DOCK8: variants seen among roughly 807,000 people sequenced by gnomAD.
DOCK8 encodes the protein dedicator of cytokinesis protein 8.
In DOCK8, 141 loss-of-function variants were observed where a neutral mutation model predicts 245.6. That is an observed-to-expected ratio of 0.57 (90% CI 0.50 to 0.66). DOCK8 has a LOEUF of 0.66. Ranked by LOEUF, DOCK8 falls within the 30% of genes least tolerant of loss-of-function variation. DOCK8 has a pLI of 0.00. For synonymous variants in DOCK8, 1,168 were observed against 970.2 expected, an observed-to-expected ratio of 1.20 and a Z score of -3.79; for missense variants, 2,965 against 2,603.4, an observed-to-expected ratio of 1.14 and a Z score of -3.02.
intron 13 of DOCK8, 62 bp from the exon 14 acceptor site, chr9:340,097 T>G (rs2051505000): frequency 6.4e-7 from 1 of 1,574,690 alleles, no homozygotes; most frequent in Admixed American, 1.7e-5. Flanking sequence ...GCAACAATCT[T>G]TCTTGATTCC....
chr9:276,675 G>T (rs149035251), intron 2 of DOCK8, among the ~76,000 whole-genome samples: 1 of 152,064 alleles, frequency 6.6e-6, no homozygotes, highest in East Asian at 1.9e-4. Flanking sequence ...ATTGGCTTTG[G>T]CATTCTCTAT....
chr9:335,540 C>G (rs977183323), intron 11 of DOCK8, among the ~76,000 whole-genome samples: 1 of 152,092 alleles, frequency 6.6e-6, no homozygotes, highest in Non-Finnish European at 1.5e-5. Flanking sequence ...ATTTCTGGTT[C>G]GTCAATAACA....
intron 43 of DOCK8, 111 bp from the exon 44 acceptor site, chr9:446,259 A>G (rs2057254350): frequency 3.3e-6 from 3 of 900,208 alleles, no homozygotes; most frequent in Non-Finnish European, 5.6e-6. Flanking sequence ...GCTTTTCTGC[A>G]CTGGGCAGGG....
intron 3 of DOCK8, among the ~76,000 whole-genome samples, chr9:288,511 C>T (rs1438556407): frequency 6.6e-6 from 1 of 152,196 alleles, no homozygotes; most frequent in African/African-American, 2.4e-5. Context: ...AAAGTGATTG[C>T]CTCAGTGCAT....
At chr9:376,948 C>A in intron 19 of DOCK8, 29 bp from the exon 20 acceptor site, 1 of 1,595,918 alleles carries the variant, frequency 6.3e-7, no homozygotes, top group South Asian at 1.1e-5. Flanking sequence ...GGTATAAAAC[C>A]CCATGAGGCC....
rs375050304 is a variant in DOCK8, at chr9:428,909, A to T, written c.4473+413A>T. 1.2e-4 allele frequency among the ~76,000 whole-genome samples: 18 copies of T among 152,326 alleles called. 1 individual carries two copies. Among genetic ancestry groups the T allele is most frequent in the Middle Eastern group, 3.4e-3 (1 of 294 alleles). On this transcript the variant is annotated intron_variant, in intron 35 of 47. Transcript: ENST00000432829. ...CAGGAAGGTCAGAAATGAATTTCTCACGGCCTGAGGAATGAGGATTATCCT... is the reference window on the plus strand; with the variant it reads ...CAGGAAGGTCAGAAATGAATTTCTCTCGGCCTGAGGAATGAGGATTATCCT...
At chr9:275,610 A>G (rs1349918326) in intron 2 of DOCK8, among the ~76,000 whole-genome samples, 1 of 152,152 alleles carries the variant, frequency 6.6e-6, no homozygotes, top group Non-Finnish European at 1.5e-5. Flanking sequence ...ATTTTTTGAG[A>G]TGGAGTCTCG....
At chr9:362,897 G>A (rs1385229909) in intron 14 of DOCK8, among the ~76,000 whole-genome samples, 1 of 152,212 alleles carries the variant, frequency 6.6e-6, no homozygotes, top group African/African-American at 2.4e-5. Context: ...AGGTCCCTTG[G>A]TTAACCTATT....
intron 25 of DOCK8, 21 bp from the exon 26 acceptor site, chr9:399,125 G>C (rs757427846): frequency 1.2e-6 from 2 of 1,607,054 alleles, no homozygotes; most frequent in African/African-American, 1.3e-5. Context: ...AAAATGATTT[G>C]GGTGTTTGTT....
intron 10 of DOCK8, among the ~76,000 whole-genome samples, chr9:333,381 C>G (rs1315985150): frequency 6.6e-6 from 1 of 152,186 alleles, no homozygotes; most frequent in African/African-American, 2.4e-5. Flanking sequence ...GCGGGCAGAT[C>G]ATGAGGTCAG....
chr9:416,174 C>T (rs1007958675), intron 29 of DOCK8, among the ~76,000 whole-genome samples: 21 of 152,192 alleles, frequency 1.4e-4, no homozygotes, highest in Non-Finnish European at 1.0e-4. Context: ...ACAAGCTCAG[C>T]ACACAGGGCT....
chr9:291,855 C>T (rs1488776561), intron 4 of DOCK8, among the ~76,000 whole-genome samples: 1 of 150,782 alleles, frequency 6.6e-6, no homozygotes, highest in African/African-American at 2.4e-5. Context: ...TCCCTTGAAC[C>T]CAGGAGTTCA....
At chr9:327,600 T>G (rs2050821644) in intron 8 of DOCK8, among the ~76,000 whole-genome samples, 1 of 152,140 alleles carries the variant, frequency 6.6e-6, no homozygotes, top group South Asian at 2.1e-4. Flanking sequence ...TTTCACCATG[T>G]TGCCCAGGCT....
chr9:352,604 G>C (rs1459234954), intron 14 of DOCK8, among the ~76,000 whole-genome samples: 2 of 152,014 alleles, frequency 1.3e-5, no homozygotes, highest in African/African-American at 4.8e-5. Flanking sequence ...TTAGCTGGGC[G>C]TGGTGGCGGG....
At chr9:319,077 G>A (rs777959834) in intron 7 of DOCK8, among the ~76,000 whole-genome samples, 36 of 152,172 alleles carry the variant, frequency 2.4e-4, no homozygotes, top group Admixed American at 2.6e-4. Context: ...TGGGAGGATC[G>A]CTTGAGGCCA....
At chr9:253,099 A>G (rs908964334) in intron 1 of DOCK8, among the ~76,000 whole-genome samples, 6 of 152,032 alleles carry the variant, frequency 3.9e-5, no homozygotes, top group Non-Finnish European at 7.4e-5. Flanking sequence ...AATTCCCACC[A>G]TTGCTTTTTT....
At chr9:287,659 T>C (rs1282241640) in intron 3 of DOCK8, among the ~76,000 whole-genome samples, 1 of 152,216 alleles carries the variant, frequency 6.6e-6, no homozygotes, top group Non-Finnish European at 1.5e-5. Context: ...ACCATATGTG[T>C]AGCTCTGATG....
intron 1 of DOCK8, among the ~76,000 whole-genome samples, chr9:230,498 T>A (rs111467034): frequency 6.6e-6 from 1 of 151,728 alleles, no homozygotes; most frequent in Non-Finnish European, 1.5e-5. Flanking sequence ...AATGGTTGAA[T>A]TAGTTTACAG....
chr9:285,089 A>G (rs986898762), intron 2 of DOCK8, among the ~76,000 whole-genome samples: 1 of 151,968 alleles, frequency 6.6e-6, no homozygotes, highest in Middle Eastern at 3.2e-3. Flanking sequence ...CCCCAAACCT[A>G]AAAGTTAAAA....
Sources: allele counts gnomAD v4.1 joint callset (sites outside exome capture counted in the v4.1 genomes callset), GRCh38; gene constraint gnomAD v4.1.1; transcripts MANE v1.5; gene names NCBI Gene and HGNC (gene_info 2026-07-23, HGNC 2026-07-21).